CFTR: variants seen among roughly 807,000 people sequenced by gnomAD.
The protein encoded by CFTR is CF transmembrane conductance regulator.
A neutral mutation model predicts 171.6 loss-of-function variants in CFTR; 181 were observed. The ratio of observed to expected loss-of-function variants is 1.05; its 90% CI spans 0.93 to 1.19. The LOEUF (loss-of-function observed/expected upper bound fraction) is 1.19, where lower values mean the gene tolerates loss of function less well. Among genes scored for constraint, CFTR ranks in the 50% most tolerant of loss-of-function variants. CFTR has a pLI of 0.00. For missense variants in CFTR, 1,968 were observed against 1,734.7 expected, an observed-to-expected ratio of 1.13 and a Z score of -2.39; for synonymous variants, 583 against 608.0, an observed-to-expected ratio of 0.96 and a Z score of 0.60.
At chr7:117,529,975 T>A (rs772170385) in intron 3 of CFTR, among the ~76,000 whole-genome samples, 1 of 152,150 alleles carries the variant, frequency 6.6e-6, no homozygotes, top group Non-Finnish European at 1.5e-5. Flanking sequence ...TTGAAGCCAA[T>A]GTAACAAGAT....
At chr7:117,656,986 G>A (rs920005386) in intron 24 of CFTR, among the ~76,000 whole-genome samples, 2 of 152,044 alleles carry the variant, frequency 1.3e-5, no homozygotes, top group Admixed American at 1.3e-4. Context: ...CATTATCAAA[G>A]TTTCCTTATT....
chr7:117,590,975 T>C, intron 13 of CFTR, among the ~76,000 whole-genome samples: 1 of 152,106 alleles, frequency 6.6e-6, no homozygotes, highest in East Asian at 1.9e-4. Context: ...TACATGAAAT[T>C]CCCTAGACAG....
At chr7:117,538,585 T>C (rs971829483) in intron 7 of CFTR, among the ~76,000 whole-genome samples, 8 of 152,334 alleles carry the variant, frequency 5.3e-5, no homozygotes, top group African/African-American at 1.2e-4. Flanking sequence ...TAGTCCATGT[T>C]ATTCCTTTTC....
intron 11 of CFTR, among the ~76,000 whole-genome samples, chr7:117,568,902 C>T (rs947251104): frequency 4.6e-5 from 7 of 152,154 alleles, no homozygotes; most frequent in Non-Finnish European, 7.3e-5. Context: ...TCTTCCCATT[C>T]GTCTCTCCTC....
chr7:117,499,266 G>C (rs895780285), intron 1 of CFTR, among the ~76,000 whole-genome samples: 2 of 152,012 alleles, frequency 1.3e-5, no homozygotes, highest in Admixed American at 6.6e-5. Context: ...ATCGAAAAAT[G>C]AGTATAAGCT....
At chr7:117,570,436 A>G (rs1206235524) in intron 11 of CFTR, among the ~76,000 whole-genome samples, 1 of 152,204 alleles carries the variant, frequency 6.6e-6, no homozygotes, top group Non-Finnish European at 1.5e-5. Context: ...TTTATGGGGA[A>G]GTGCTATAGC....
At chr7:117,593,857 G>T (rs2116037169) in intron 14 of CFTR, among the ~76,000 whole-genome samples, 1 of 152,216 alleles carries the variant, frequency 6.6e-6, no homozygotes, top group South Asian at 2.1e-4. Context: ...GCCTCCCAAA[G>T]TGCTGGTATT....
rs1660096953 is a variant in CFTR at position 117,536,579 on chromosome 7, CT to C, written c.777del (p.Val260Ter). 6.2e-7 allele frequency: 1 copy of C among 1,603,284 alleles called. No homozygotes were observed. Among genetic ancestry groups the C allele is most frequent in the Non-Finnish European group, 8.5e-7 (1 of 1,174,028 alleles). ...GAGAGCTGGGAAGATCAGTGAAAGACTTGTGATTACCTCAGAAATGATTGAA... is the reference window on the plus strand; with the variant it reads ...GAGAGCTGGGAAGATCAGTGAAAGACTGTGATTACCTCAGAAATGATTGAA... ...DQRAGKISER[L>X]VITSEMIENI... On this transcript the variant is annotated frameshift_variant, in exon 7 of 27. Coordinates refer to ENST00000003084, the MANE Select transcript of CFTR (RefSeq NM_000492.4). LOFTEE classifies it high-confidence loss of function.
chr7:117,595,157 A>G, intron 15 of CFTR, 99 bp downstream of exon 15: 1 of 884,468 alleles, frequency 1.1e-6, no homozygotes, highest in Non-Finnish European at 1.8e-6. Context: ...ATATGTATAT[A>G]TACACATGTA....
intron 11 of CFTR, among the ~76,000 whole-genome samples, chr7:117,587,433 T>A (rs999944614): frequency 1.3e-5 from 2 of 152,210 alleles, no homozygotes; most frequent in African/African-American, 4.8e-5. Context: ...CTATGGATGA[T>A]CTACACATAT....
chr7:117,540,467 G>A (rs1799036072), intron 8 of CFTR, 121 bp downstream of exon 8: 4 of 887,384 alleles, frequency 4.5e-6, no homozygotes, highest in Non-Finnish European at 6.8e-6. Context: ...TCACTAGGAA[G>A]TTATAAAAGT....
intron 21 of CFTR, among the ~76,000 whole-genome samples, chr7:117,615,861 AC>A (rs1277347947): frequency 1.3e-5 from 2 of 152,004 alleles, no homozygotes; most frequent in Non-Finnish European, 2.9e-5. Flanking sequence ...GTATTTTTGT[AC>A]TACTGTATTT....
intron 26 of CFTR, 138 bp downstream of exon 26, chr7:117,665,702 A>G: frequency 2.9e-6 from 2 of 693,934 alleles, no homozygotes; most frequent in Non-Finnish European, 5.3e-6. Context: ...ATCCAGCTTT[A>G]CTCAAAATAG....
chr7:117,551,378 T>C (rs1227735233), intron 10 of CFTR, among the ~76,000 whole-genome samples: 1 of 152,220 alleles, frequency 6.6e-6, no homozygotes, highest in African/African-American at 2.4e-5. Flanking sequence ...ATCATATGTA[T>C]GTATATATGT....
At chr7:117,651,929 TC>T (rs1415974159) in intron 23 of CFTR, among the ~76,000 whole-genome samples, 1 of 151,848 alleles carries the variant, frequency 6.6e-6, no homozygotes, top group Non-Finnish European at 1.5e-5. Flanking sequence ...CATTCTTAAT[TC>T]CCCTTAGTGG....
chr7:117,619,853 G>A (rs1792547985), intron 21 of CFTR, among the ~76,000 whole-genome samples: 1 of 152,008 alleles, frequency 6.6e-6, no homozygotes, highest in Non-Finnish European at 1.5e-5. Context: ...AGAGTTTTCT[G>A]TCAATACAAA....
intron 20 of CFTR, 114 bp downstream of exon 20, chr7:117,611,922 C>T (rs548856594): frequency 1.5e-6 from 1 of 677,684 alleles, no homozygotes; most frequent in East Asian, 2.8e-5. Flanking sequence ...TAGTAATTAA[C>T]AAATTTGTTG....
chr7:117,482,614 A>G (rs1398758427), intron 1 of CFTR, among the ~76,000 whole-genome samples: 2 of 152,200 alleles, frequency 1.3e-5, no homozygotes, highest in Non-Finnish European at 2.9e-5. Flanking sequence ...AGCTATTTTT[A>G]AACTAGAAGT....
At chr7:117,655,931 T>C (rs991240352) in intron 24 of CFTR, among the ~76,000 whole-genome samples, 2 of 151,964 alleles carry the variant, frequency 1.3e-5, no homozygotes, top group African/African-American at 4.8e-5. Context: ...AGGGCAGTAA[T>C]CCAAATCATG....
Sources: gnomAD v4.1 joint callset for allele counts (sites outside exome capture counted in the v4.1 genomes callset) on GRCh38, gnomAD v4.1.1 for gene constraint, MANE v1.5 for transcripts, NCBI Gene and HGNC (gene_info 2026-07-23, HGNC 2026-07-21) for gene names.